The following C20orf203 variants were observed in gnomAD, a reference collection of about 807,000 sequenced individuals.
C20orf203 encodes the protein uncharacterized protein C20orf203.
C20orf203 carries 16 observed loss-of-function variants against 15.9 expected under a neutral mutation model. The ratio of observed to expected loss-of-function variants is 1.01; its 90% CI spans 0.68 to 1.53. The LOEUF (loss-of-function observed/expected upper bound fraction) is 1.53. Among genes scored for constraint, C20orf203 ranks in the 40% most tolerant of loss-of-function variants. The probability of loss-of-function intolerance (pLI) is 0.00; values close to 1 mark genes in which losing one functional copy is unlikely to be tolerated. For missense variants in C20orf203, 263 were observed against 247.5 expected (o/e 1.06, Z -0.42); for synonymous variants, 98 against 97.2 (o/e 1.01, Z -0.05).
chr20:32,642,056 G>T (rs1600927281), intron 4 of C20orf203, among the ~76,000 whole-genome samples: 1 of 152,294 alleles, frequency 6.6e-6, no homozygotes, highest in East Asian at 1.9e-4. Flanking sequence ...ACCCAGGCTA[G>T]TCTCAAACTC....
At chr20:32,648,883 T>C (rs1427387694) in intron 4 of C20orf203, among the ~76,000 whole-genome samples, 3 of 152,174 alleles carry the variant, frequency 2.0e-5, no homozygotes, top group African/African-American at 7.2e-5. Context: ...CCATGGTAAG[T>C]GGTCAAAACC....
intron 5 of C20orf203, among the ~76,000 whole-genome samples, chr20:32,640,004 C>T (rs1015257080): frequency 2.6e-5 from 4 of 152,126 alleles, no homozygotes; most frequent in African/African-American, 4.8e-5. Context: ...GGTGGGTCCT[C>T]GGTTACCCCA....
intron 1 of C20orf203, among the ~76,000 whole-genome samples, chr20:32,666,155 T>TAAAAAAAAAAAAAAAAAAAAAAG (rs1983017943): frequency 7.0e-4 from 72 of 102,732 alleles, no homozygotes; most frequent in South Asian, 1.1e-3. Context: ...ATAAATAAAG[T>TAAAAAAAAAAAAAAAAAAAAAAG]AAAAAAAAAA....
intron 5 of C20orf203, among the ~76,000 whole-genome samples, chr20:32,634,895 A>G (rs528880769): frequency 6.6e-6 from 1 of 152,304 alleles, no homozygotes; most frequent in African/African-American, 2.4e-5. Flanking sequence ...TGGGGGTTGT[A>G]GTTCCTTTTT....
At chr20:32,645,169 G>A (rs182113310) in intron 4 of C20orf203, among the ~76,000 whole-genome samples, 6 of 152,278 alleles carry the variant, frequency 3.9e-5, no homozygotes, top group South Asian at 2.1e-4. Flanking sequence ...TTTGTCGCTC[G>A]ATGTCCTGGA....
At chr20:32,658,880 CTT>C (rs531584572) in intron 1 of C20orf203, among the ~76,000 whole-genome samples, 1 of 142,612 alleles carries the variant, frequency 7.0e-6, no homozygotes, top group African/African-American at 2.6e-5. Flanking sequence ...ACCCACTTCT[CTT>C]TTTTTTTTTT....
At chr20:32,671,564 C>T (rs6141779) in intron 1 of C20orf203, among the ~76,000 whole-genome samples, 19,140 of 151,984 alleles carry the variant, frequency 0.13, 1,523 homozygotes, top group East Asian at 0.29. Context: ...TAGAATGGGC[C>T]AGGCACAGTG....
chr20:32,648,602 G>C (rs1982504896), intron 4 of C20orf203, among the ~76,000 whole-genome samples: 1 of 116,060 alleles, frequency 8.6e-6, no homozygotes, highest in Non-Finnish European at 1.8e-5. Context: ...TGCCAAATCT[G>C]GCTAATTTTT....
Position 32,631,782 on chromosome 20 carries a change from G to T in C20orf203, c.*3788C>A, listed in dbSNP as rs947254929. On this transcript the variant is annotated 3_prime_UTR_variant, in exon 6 of 6. Coordinates refer to ENST00000608990, the MANE Select transcript of C20orf203 (RefSeq NM_182584.4). ...GAGCCTGAAGCAGGGCTCAGTCTGGGCGCTCATAAGAGGCAGGGTCTGTGG... is the reference window on the plus strand; with the variant it reads ...GAGCCTGAAGCAGGGCTCAGTCTGGTCGCTCATAAGAGGCAGGGTCTGTGG... 1 of 152,242 alleles carries T rather than the reference G, an allele frequency of 6.6e-6. No homozygotes were observed. The highest frequency in any genetic ancestry group is 1.9e-4 in the East Asian group (1 of 5,200). The allele number at this position is 152,242 out of a possible 1,614,324, so 9.4% of individuals were successfully genotyped here. A position where few individuals can be genotyped will look rare whatever the true frequency, so the allele number is the denominator to read the frequency against.
At chr20:32,673,327 G>A (rs1240023267) in intron 1 of C20orf203, among the ~76,000 whole-genome samples, 3 of 152,170 alleles carry the variant, frequency 2.0e-5, no homozygotes, top group African/African-American at 4.8e-5. Flanking sequence ...CTGGCCGGAG[G>A]TGTCTCAGCC....
intron 1 of C20orf203, among the ~76,000 whole-genome samples, chr20:32,672,270 T>C (rs1983189205): frequency 6.6e-6 from 1 of 150,608 alleles, no homozygotes; most frequent in African/African-American, 2.4e-5. Flanking sequence ...ACCCAGGAGA[T>C]GGAGGTTGCA....
rs529629846 is a variant in C20orf203 at position 32,662,525 on chromosome 20, C to T, written c.-263-10544G>A. On this transcript the variant is annotated intron_variant, in intron 1 of 5. Coordinates refer to ENST00000608990, the MANE Select transcript of C20orf203 (RefSeq NM_182584.4). ...CTGAGGCAGGAGAATCGATTGAACCCGAGACGGAGTTGCGGTGAGCCAAGA... is the reference window on the plus strand; with the variant it reads ...CTGAGGCAGGAGAATCGATTGAACCTGAGACGGAGTTGCGGTGAGCCAAGA... 5.9e-5 allele frequency among the ~76,000 whole-genome samples: 9 copies of T among 152,128 alleles called. No homozygotes were observed. In the South Asian group the frequency reaches 1.5e-3, roughly 25 times the overall value.
In C20orf203 at chr20:32,650,820, C is replaced by T; in HGVS notation, c.197G>A (p.Arg66Lys). 2.0e-6 allele frequency: 3 copies of T among 1,477,786 alleles called. No individual in the cohort carries two copies. The highest frequency in any genetic ancestry group is 2.7e-6 in the Non-Finnish European group (3 of 1,112,114). The allele number at this position is 1,477,786 out of a possible 1,614,324, so 91.5% of individuals were successfully genotyped here. ...GACTCGCTGAGCCTTTGAGGTCCTC[C>T]TTCCCGCCCCACCGCCAAGGTCCCA... Reference protein sequence around the residue: ...HLWDLGGGAGRRTSKAQRVHP... With the variant: ...HLWDLGGGAGKRTSKAQRVHP... The change falls in exon 4 of 6, where the codon AGG (arginine) becomes AAG (lysine). Residue 66 changes from arginine (R) to lysine (K), a missense_variant. Arg to Lys is a conservative substitution (Grantham distance 26, BLOSUM62 2). Transcript: ENST00000608990.
chr20:32,638,380 G>A (rs146636184), intron 5 of C20orf203, among the ~76,000 whole-genome samples: 243 of 152,304 alleles, frequency 1.6e-3, no homozygotes, highest in Non-Finnish European at 2.8e-3. Context: ...CAAGAAAGTG[G>A]GGGTCACAGT....
chr20:32,654,760 C>T (rs2145674775), intron 1 of C20orf203, among the ~76,000 whole-genome samples: 1 of 152,288 alleles, frequency 6.6e-6, no homozygotes, highest in East Asian at 1.9e-4. Context: ...GGGAGGATCA[C>T]TTGAACCTGG....
chr20:32,641,710 G>T (rs967898455), intron 4 of C20orf203, among the ~76,000 whole-genome samples: 3 of 152,176 alleles, frequency 2.0e-5, no homozygotes, highest in African/African-American at 7.2e-5. Context: ...GTATCTCTCT[G>T]ATAGCCAATA....
At chr20:32,659,590 C>T (rs1228152652) in intron 1 of C20orf203, among the ~76,000 whole-genome samples, 1 of 152,248 alleles carries the variant, frequency 6.6e-6, no homozygotes, top group Non-Finnish European at 1.5e-5. Flanking sequence ...CAGCCACTAT[C>T]TTTGAGACTG....
intron 1 of C20orf203, among the ~76,000 whole-genome samples, chr20:32,667,378 C>T (rs1485438458): frequency 3.3e-5 from 5 of 152,204 alleles, no homozygotes; most frequent in African/African-American, 1.2e-4. Context: ...TGAAGGTGGC[C>T]TAGAGCTGCG....
At chr20:32,636,726 A>G (rs2145659660) in intron 5 of C20orf203, among the ~76,000 whole-genome samples, 1 of 152,232 alleles carries the variant, frequency 6.6e-6, no homozygotes, top group East Asian at 1.9e-4. Flanking sequence ...TATCTCTTCC[A>G]TGTCCCTTGC....
Sources: allele counts gnomAD v4.1 joint callset (sites outside exome capture counted in the v4.1 genomes callset), GRCh38; gene constraint gnomAD v4.1.1; transcripts MANE v1.5; gene names NCBI Gene and HGNC (gene_info 2026-07-23, HGNC 2026-07-21).